The following NEGR1 variants were observed in gnomAD, a reference collection of about 807,000 sequenced individuals.
NEGR1 encodes neuronal growth regulator 1, also known as IgLON family member 4.
A neutral mutation model predicts 40.9 loss-of-function variants in NEGR1; 10 were observed. The observed-to-expected ratio is 0.24, with a 90% CI of 0.15 to 0.42. The LOEUF (loss-of-function observed/expected upper bound fraction) is 0.42. Ranked by LOEUF, NEGR1 falls within the 10% of genes least tolerant of loss-of-function variation. NEGR1 has a pLI of 1.00. For missense variants in NEGR1, 352 were observed against 438.9 expected (o/e 0.80, Z 1.77); for synonymous variants, 185 against 166.8 (o/e 1.11, Z -0.84).
intron 1 of NEGR1, among the ~76,000 whole-genome samples, chr1:72,053,421 C>T (rs1647079870): frequency 6.6e-6 from 1 of 150,498 alleles, no homozygotes; most frequent in Admixed American, 6.7e-5. Context: ...ATACTTTATA[C>T]AATATTTCCA....
At chr1:72,108,698 T>A (rs1348091071) in intron 1 of NEGR1, among the ~76,000 whole-genome samples, 1 of 151,560 alleles carries the variant, frequency 6.6e-6, no homozygotes, top group Non-Finnish European at 1.5e-5. Flanking sequence ...TAATAGACCT[T>A]AGGAATCAGA....
intron 5 of NEGR1, among the ~76,000 whole-genome samples, chr1:71,609,068 A>G (rs1650158081): frequency 6.6e-6 from 1 of 152,206 alleles, no homozygotes; most frequent in African/African-American, 2.4e-5. Context: ...ATATATAAAA[A>G]TATGGAGTCT....
chr1:71,558,722 C>CTTTT (rs34141206), intron 6 of NEGR1, among the ~76,000 whole-genome samples: 1 of 134,308 alleles, frequency 7.4e-6, no homozygotes, highest in Non-Finnish European at 1.6e-5. Flanking sequence ...TCTTTTCTTT[C>CTTTT]TTTTTTTTTT....
chr1:72,181,234 CTT>C (rs1049190854), intron 1 of NEGR1, among the ~76,000 whole-genome samples: 2 of 152,116 alleles, frequency 1.3e-5, no homozygotes, highest in Non-Finnish European at 2.9e-5. Flanking sequence ...CTGTTTTGCT[CTT>C]TATCTTCAAC....
intron 6 of NEGR1, among the ~76,000 whole-genome samples, chr1:71,458,175 A>C (rs1437376275): frequency 6.6e-6 from 1 of 152,200 alleles, no homozygotes; most frequent in Admixed American, 6.5e-5. Context: ...GATAATGTGA[A>C]TCTCTTAGCT....
At chr1:71,543,397 C>T (rs781370806) in intron 6 of NEGR1, among the ~76,000 whole-genome samples, 38 of 151,616 alleles carry the variant, frequency 2.5e-4, no homozygotes, top group African/African-American at 4.4e-4. Flanking sequence ...GCTTGATCTG[C>T]GTATAAAACC....
At chr1:71,551,694 C>G (rs947680372) in intron 6 of NEGR1, among the ~76,000 whole-genome samples, 3 of 151,508 alleles carry the variant, frequency 2.0e-5, no homozygotes, top group African/African-American at 4.8e-5. Flanking sequence ...ATGTCAGTTT[C>G]AAAACCCTTT....
chr1:72,184,569 A>G (rs1652541926), intron 1 of NEGR1, among the ~76,000 whole-genome samples: 1 of 152,046 alleles, frequency 6.6e-6, no homozygotes, highest in Non-Finnish European at 1.5e-5. Flanking sequence ...GCTTCATGCA[A>G]TACACTAAGA....
At chr1:72,071,957 A>G (rs1237873268) in intron 1 of NEGR1, among the ~76,000 whole-genome samples, 1 of 152,146 alleles carries the variant, frequency 6.6e-6, no homozygotes, top group East Asian at 1.9e-4. Context: ...TAGATTTTAG[A>G]AAAAGTCCAA....
chr1:71,428,504 G>A lies in NEGR1; in HGVS notation c.941-20934C>T, dbSNP rs180718254. Among the ~76,000 whole-genome samples, 24 of 152,184 alleles carry A rather than the reference G, an allele frequency of 1.6e-4. No homozygotes were observed. The East Asian group carries it at 3.3e-3, about 21-fold the overall frequency. ...TATCAATGTGCTGTCAGCAAAATGCGTAGCTGAAAGATAATGAATAATTTC... is the reference window on the plus strand; with the variant it reads ...TATCAATGTGCTGTCAGCAAAATGCATAGCTGAAAGATAATGAATAATTTC... On this transcript the variant is annotated intron_variant, in intron 6 of 6. Transcript: ENST00000357731.
intron 6 of NEGR1, among the ~76,000 whole-genome samples, chr1:71,486,239 A>T (rs779044887): frequency 6.6e-6 from 1 of 151,648 alleles, no homozygotes; most frequent in Non-Finnish European, 1.5e-5. Context: ...TTGACATGGT[A>T]TATTTTTTCT....
intron 1 of NEGR1, among the ~76,000 whole-genome samples, chr1:72,252,193 T>C: frequency 6.6e-6 from 1 of 151,852 alleles, no homozygotes; most frequent in East Asian, 1.9e-4. Flanking sequence ...TATAGGCATG[T>C]GCCACCATGC....
chr1:71,759,772 G>T (rs538146659), intron 3 of NEGR1, among the ~76,000 whole-genome samples: 1 of 151,608 alleles, frequency 6.6e-6, no homozygotes, highest in South Asian at 2.1e-4. Flanking sequence ...ACCATGTCTG[G>T]CTACTTTTTG....
chr1:71,618,515 A>G (rs1334826060), intron 4 of NEGR1, among the ~76,000 whole-genome samples: 1 of 152,148 alleles, frequency 6.6e-6, no homozygotes, highest in African/African-American at 2.4e-5. Flanking sequence ...ATCATGGAGT[A>G]GACTGGAAAA....
At chr1:72,280,901 AAAG>A (rs1444477934) in intron 1 of NEGR1, among the ~76,000 whole-genome samples, 1 of 152,162 alleles carries the variant, frequency 6.6e-6, no homozygotes, top group East Asian at 1.9e-4. Flanking sequence ...CAGTGGAGAA[AAAG>A]AAGATCTTTC....
intron 2 of NEGR1, among the ~76,000 whole-genome samples, chr1:71,869,222 A>T (rs1426864136): frequency 6.6e-6 from 1 of 152,232 alleles, no homozygotes; most frequent in Non-Finnish European, 1.5e-5. Context: ...GATTAGAGGA[A>T]GGAATTCTAG....
intron 1 of NEGR1, among the ~76,000 whole-genome samples, chr1:72,194,472 G>T (rs1652931473): frequency 6.6e-6 from 1 of 151,952 alleles, no homozygotes; most frequent in African/African-American, 2.4e-5. Context: ...CAGGAAAGTT[G>T]CCAAGATTCC....
chr1:71,878,568 T>C (rs563609145), intron 2 of NEGR1, among the ~76,000 whole-genome samples: 1 of 152,314 alleles, frequency 6.6e-6, no homozygotes, highest in African/African-American at 2.4e-5. Context: ...TAAAAATATA[T>C]AGTTTTAATT....
intron 1 of NEGR1, chr1:72,100,788 G>A (rs548961409): frequency 6.6e-6 from 1 of 152,314 alleles, no homozygotes; most frequent in South Asian, 2.1e-4. Context: ...TCCACAGATT[G>A]GGTGGCTTAA....
Sources: gnomAD v4.1 joint callset for allele counts (sites outside exome capture counted in the v4.1 genomes callset) on GRCh38, gnomAD v4.1.1 for gene constraint, MANE v1.5 for transcripts, NCBI Gene and HGNC (gene_info 2026-07-23, HGNC 2026-07-21) for gene names.